PTPRM: variants seen among roughly 807,000 people sequenced by gnomAD.
The protein encoded by PTPRM is protein tyrosine phosphatase receptor type M.
A neutral mutation model predicts 186.7 loss-of-function variants in PTPRM; 47 were observed. The ratio of observed to expected loss-of-function variants is 0.25; its 90% CI spans 0.20 to 0.32. PTPRM has a LOEUF of 0.32. PTPRM is among the 10% of genes least tolerant of loss of function. PTPRM has a pLI of 1.00. For missense variants in PTPRM, 1,494 were observed against 1,865.0 expected, an observed-to-expected ratio of 0.80 and a Z score of 3.66; for synonymous variants, 668 against 674.9, an observed-to-expected ratio of 0.99 and a Z score of 0.16.
At chr18:7,959,661 C>G (rs1462103560) in intron 7 of PTPRM, among the ~76,000 whole-genome samples, 1 of 152,204 alleles carries the variant, frequency 6.6e-6, no homozygotes, top group Non-Finnish European at 1.5e-5. Context: ...AGACCTTGAT[C>G]CAATCACATA....
intron 5 of PTPRM, chr18:7,946,750 G>A (rs1196038957): frequency 6.0e-6 from 2 of 335,024 alleles, no homozygotes; most frequent in Admixed American, 8.1e-5. Flanking sequence ...GCATTGTGTG[G>A]TATAAACAAG....
chr18:8,106,621 T>C lies in PTPRM; in HGVS notation c.1857-6865T>C, dbSNP rs2091533335. On this transcript the variant is annotated intron_variant, in intron 11 of 32. Transcript: ENST00000580170. ...AAGGACGGGGCAGTCTGTGCCTAAT[T>C]CCTCTTTTTATTCTTCCCCTGTGCC... Among the ~76,000 whole-genome samples the C allele has an allele frequency of 2.6e-5, 4 of 152,204 alleles. No individual in the cohort carries two copies. In the South Asian group the frequency reaches 8.3e-4, roughly 32 times the overall value.
chr18:7,740,697 G>A (rs1568067088), intron 1 of PTPRM, among the ~76,000 whole-genome samples: 2 of 152,216 alleles, frequency 1.3e-5, no homozygotes, highest in African/African-American at 4.8e-5. Context: ...TGGAATTACA[G>A]TTGTGAGCTG....
At chr18:8,126,086 C>CA (rs2092356334) in intron 13 of PTPRM, among the ~76,000 whole-genome samples, 1 of 140,284 alleles carries the variant, frequency 7.1e-6, no homozygotes, top group African/African-American at 2.6e-5. Flanking sequence ...TTTCAACTCA[C>CA]AAAAGCATGA....
At chr18:8,035,820 T>G (rs1486740147) in intron 7 of PTPRM, among the ~76,000 whole-genome samples, 1 of 152,198 alleles carries the variant, frequency 6.6e-6, no homozygotes, top group East Asian at 1.9e-4. Flanking sequence ...ATTGTATACA[T>G]TAAATATGCA....
In PTPRM at chr18:8,376,123, C is replaced by A; in HGVS notation, c.3249C>A (p.Ala1083=). ...GWPDHGVPYH[A]TGLLGFVRQV... Reference sequence around the variant, plus strand: ...CGGATCATGGGGTCCCCTACCATGCCACCGGCCTGCTGGGATTCGTGCGGC... The same window carrying A: ...CGGATCATGGGGTCCCCTACCATGCAACCGGCCTGCTGGGATTCGTGCGGC... The change falls in exon 25 of 33, where the codon GCC becomes GCA. Residue 1083 remains alanine, a synonymous_variant. Transcript: ENST00000580170. 1 of 1,614,084 alleles carries A rather than the reference C, an allele frequency of 6.2e-7. No individual in the cohort carries two copies.
At chr18:7,872,904 A>C (rs1460081810) in intron 2 of PTPRM, among the ~76,000 whole-genome samples, 3 of 152,242 alleles carry the variant, frequency 2.0e-5, no homozygotes, top group African/African-American at 7.2e-5. Flanking sequence ...GAGTGTTATT[A>C]TATCATTTTA....
chr18:8,174,124 A>C (rs895391472), intron 14 of PTPRM, among the ~76,000 whole-genome samples: 1 of 152,158 alleles, frequency 6.6e-6, no homozygotes, highest in Non-Finnish European at 1.5e-5. Context: ...CACAGGAGTA[A>C]AGGGAAGTTG....
chr18:7,857,695 C>A (rs1284081106), intron 2 of PTPRM, among the ~76,000 whole-genome samples: 1 of 152,140 alleles, frequency 6.6e-6, no homozygotes, highest in Non-Finnish European at 1.5e-5. Flanking sequence ...CAGTCAGTTT[C>A]TTTCAGCCAT....
At chr18:7,885,163 A>G (rs2048722811) in intron 2 of PTPRM, among the ~76,000 whole-genome samples, 2 of 151,794 alleles carry the variant, frequency 1.3e-5, no homozygotes, top group South Asian at 4.2e-4. Flanking sequence ...ACTTCTTCCC[A>G]CTCTCCATAG....
intron 7 of PTPRM, among the ~76,000 whole-genome samples, chr18:7,987,434 C>T (rs754624449): frequency 1.3e-5 from 2 of 152,106 alleles, no homozygotes; most frequent in Non-Finnish European, 1.5e-5. Flanking sequence ...GAATACTTAA[C>T]GTATAACAGA....
At chr18:7,888,853 G>T (rs112054582) in intron 3 of PTPRM, among the ~76,000 whole-genome samples, 1 of 152,094 alleles carries the variant, frequency 6.6e-6, no homozygotes, top group Non-Finnish European at 1.5e-5. Flanking sequence ...TATCCCAAGC[G>T]AATTAATGCA....
At chr18:7,786,225 C>T (rs1055173241) in intron 2 of PTPRM, among the ~76,000 whole-genome samples, 8 of 152,068 alleles carry the variant, frequency 5.3e-5, no homozygotes, top group South Asian at 2.1e-4. Flanking sequence ...AATTGTCTGC[C>T]GGACAATTGT....
At chr18:7,978,846 A>T (rs1222602540) in intron 7 of PTPRM, among the ~76,000 whole-genome samples, 1 of 151,638 alleles carries the variant, frequency 6.6e-6, no homozygotes, top group Admixed American at 6.6e-5. Flanking sequence ...ATAAATTCCA[A>T]TAATGTTATA....
intron 3 of PTPRM, among the ~76,000 whole-genome samples, chr18:7,894,653 T>C (rs184094296): frequency 2.0e-5 from 3 of 152,068 alleles, no homozygotes; most frequent in African/African-American, 4.8e-5. Context: ...CATGGATACA[T>C]GTGTGTAACA....
At chr18:8,159,894 ATAT>A (rs1282587079) in intron 14 of PTPRM, among the ~76,000 whole-genome samples, 1 of 152,004 alleles carries the variant, frequency 6.6e-6, no homozygotes, top group African/African-American at 2.4e-5. Context: ...AAGTTTCATA[ATAT>A]TATAAGATGT....
chr18:8,242,078 A>G (rs1402691173), intron 14 of PTPRM, among the ~76,000 whole-genome samples: 1 of 152,208 alleles, frequency 6.6e-6, no homozygotes, highest in African/African-American at 2.4e-5. Flanking sequence ...CACAAGAAGC[A>G]CAGTACCTGT....
At chr18:7,955,991 G>A (rs550857457) in intron 7 of PTPRM, among the ~76,000 whole-genome samples, 5 of 152,222 alleles carry the variant, frequency 3.3e-5, no homozygotes, top group South Asian at 2.1e-4. Context: ...AACCCATTCC[G>A]CAACTTAAGT....
chr18:8,022,861 T>TA (rs1397975921), intron 7 of PTPRM, among the ~76,000 whole-genome samples: 1 of 152,204 alleles, frequency 6.6e-6, no homozygotes, highest in African/African-American at 2.4e-5. Flanking sequence ...TGTCAGATTT[T>TA]AAAATGTTTG....
Sources: allele counts gnomAD v4.1 joint callset (sites outside exome capture counted in the v4.1 genomes callset), GRCh38; gene constraint gnomAD v4.1.1; transcripts MANE v1.5; gene names NCBI Gene and HGNC (gene_info 2026-07-23, HGNC 2026-07-21).